Variants in ST6GALNAC4 observed in about 807,000 individuals in gnomAD.
ST6GALNAC4 encodes the protein ST6 N-acetylgalactosaminide alpha-2,6-sialyltransferase 4, also known as alpha-N-acetyl-neuraminyl-2,3-beta-galactosyl-1,3-N-acetyl-galactosaminide alpha-2,6-sialyltransferase.
In ST6GALNAC4, 24 loss-of-function variants were observed where a neutral mutation model predicts 30.4. The ratio of observed to expected loss-of-function variants is 0.79; its 90% CI spans 0.57 to 1.11. ST6GALNAC4 has a LOEUF of 1.11. ST6GALNAC4 is among the 50% of genes most tolerant of loss of function. ST6GALNAC4 has a pLI of 0.00. For synonymous variants in ST6GALNAC4, 156 were observed against 179.7 expected, an observed-to-expected ratio of 0.87 and a Z score of 1.05; for missense variants, 365 against 430.1, an observed-to-expected ratio of 0.85 and a Z score of 1.34.
At chr9:127,914,534 G>T in intron 3 of ST6GALNAC4, 122 bp downstream of exon 3, 1 of 292,668 alleles carries the variant, frequency 3.4e-6, no homozygotes, top group East Asian at 6.7e-5. Flanking sequence ...CTAGGGCTCA[G>T]AGAGGTGATG....
rs548653831 is a variant in ST6GALNAC4, at chr9:127,914,567, T to C, written c.198+89A>G. On this transcript the variant is annotated intron_variant, in intron 3 of 5. Coordinates refer to ENST00000335791, the MANE Select transcript of ST6GALNAC4 (RefSeq NM_175039.4). The stretch of plus-strand genomic sequence containing the variant: ...ATGTGATTGGCCAGGATCACATGGC[T>C]GGTGAGTAGAGGGGCCAAGCTCAAG... 2.9e-5 allele frequency: 30 copies of C among 1,027,662 alleles called. 1 individual carries two copies. Among genetic ancestry groups the C allele is most frequent in the Non-Finnish European group, 3.5e-5 (27 of 781,444 alleles). The allele number at this position is 1,027,662 out of a possible 1,614,324, so 63.7% of individuals were successfully genotyped here.
rs531808940 is a variant in ST6GALNAC4 at position 127,911,669 on chromosome 9, T to C, written c.611+599A>G. On this transcript the variant is annotated intron_variant, in intron 4 of 5. Transcript: ENST00000335791. ...ACCCGGCTAATTTTTGTATTTTTAG[T>C]ACAGATGGGGTTTCACCATGTTGGC... 2.6e-5 allele frequency among the ~76,000 whole-genome samples: 4 copies of C among 152,240 alleles called. No homozygotes were observed. In the South Asian group the frequency reaches 6.2e-4, roughly 24 times the overall value.
At chr9:127,913,353 G>A (rs1376878647) in intron 3 of ST6GALNAC4, among the ~76,000 whole-genome samples, 1 of 152,244 alleles carries the variant, frequency 6.6e-6, no homozygotes, top group East Asian at 1.9e-4. Flanking sequence ...GGGAGGCCAA[G>A]GTGGGTGAAT....
intron 4 of ST6GALNAC4, 83 bp downstream of exon 4, chr9:127,912,185 G>A (rs1831086699): frequency 3.3e-6 from 5 of 1,508,558 alleles, no homozygotes; most frequent in Admixed American, 4.0e-5. Context: ...GCCTGACAGA[G>A]CAGCCCCTGA....
In ST6GALNAC4 at chr9:127,908,563, T is replaced by C. The variant is rs878873200; in HGVS notation, c.738A>G (p.Ser246=). 1 of 1,583,762 alleles carries C rather than the reference T, an allele frequency of 6.3e-7. No individual in the cohort carries two copies. Among genetic ancestry groups the C allele is most frequent in the Non-Finnish European group, 8.6e-7 (1 of 1,157,480 alleles). The change falls in exon 6 of 6, where the codon TCA becomes TCG. Residue 246 remains serine, a synonymous_variant. Transcript: ENST00000335791. ...CCTTCTCAAAGTAGTGGTAAGGCACTGAGGGGTGGCTCTTCTCCCTGCGGG... is the reference window on the plus strand; with the variant it reads ...CCTTCTCAAAGTAGTGGTAAGGCACCGAGGGGTGGCTCTTCTCCCTGCGGG... ...DSYCREKSHP[S]VPYHYFEKGR...
intron 3 of ST6GALNAC4, among the ~76,000 whole-genome samples, 170 bp from the exon 4 acceptor site, chr9:127,912,850 C>T (rs965885142): frequency 6.6e-6 from 1 of 152,208 alleles, no homozygotes; most frequent in Admixed American, 6.5e-5. Context: ...CCCGAGATCA[C>T]AGTGATACCC....
At chr9:127,914,916 C>T in intron 2 of ST6GALNAC4, 75 bp from the exon 3 acceptor site, 2 of 1,337,728 alleles carry the variant, frequency 1.5e-6, no homozygotes, top group Admixed American at 3.3e-5. Context: ...CTGCACCTGG[C>T]CTCCTGGGTC....
intron 5 of ST6GALNAC4, among the ~76,000 whole-genome samples, chr9:127,909,054 G>A (rs916600972): frequency 1.3e-5 from 2 of 152,032 alleles, no homozygotes; most frequent in African/African-American, 4.8e-5. Flanking sequence ...CTGTCACCTC[G>A]GTGACCTGTT....
chr9:127,916,563 T>A, intron 1 of ST6GALNAC4, 69 bp from the exon 2 acceptor site: 1 of 950,380 alleles, frequency 1.1e-6, no homozygotes, highest in Non-Finnish European at 1.7e-6. Flanking sequence ...TAGGGAAAAC[T>A]GAGGCAGGAG....
chr9:127,912,589 G>A lies in ST6GALNAC4; in HGVS notation c.290C>T (p.Ala97Val). ...GSGLGAEIDSAECVFRMNQAP... is the reference protein window; with the variant it reads ...GSGLGAEIDSVECVFRMNQAP... The stretch of plus-strand genomic sequence containing the variant: ...CTGGTTCATGCGGAACACGCACTCG[G>A]CACTGTCGATCTCAGCACCCAGGCC... Residue 97 changes from alanine (A) to valine (V), a missense_variant, in exon 4 of 6, where the codon GCC becomes GTC. Coordinates refer to ENST00000335791, the MANE Select transcript of ST6GALNAC4 (RefSeq NM_175039.4). The A allele has an allele frequency of 6.2e-7, 1 of 1,610,692 alleles. No individual in the cohort carries two copies. The highest frequency in any genetic ancestry group is 8.5e-7 in the Non-Finnish European group (1 of 1,179,838).
chr9:127,908,141 C>G lies in ST6GALNAC4; in HGVS notation c.*251G>C, dbSNP rs552196541. 20 of 263,130 alleles carry G rather than the reference C, an allele frequency of 7.6e-5. No individual in the cohort carries two copies. The East Asian group carries it at 1.3e-3, about 17-fold the overall frequency. The allele number at this position is 263,130 out of a possible 1,614,324, so 16.3% of individuals were successfully genotyped here. ...TTGACAGACCTGGAGGTGGGGTGAG[C>G]CCCCAAATGCCGTGAATTACTCAGG... On this transcript the variant is annotated 3_prime_UTR_variant, in exon 6 of 6. Coordinates refer to ENST00000335791, the MANE Select transcript of ST6GALNAC4 (RefSeq NM_175039.4).
chr9:127,916,375 C>A (rs770412353), intron 2 of ST6GALNAC4, 33 bp downstream of exon 2: 2 of 1,613,926 alleles, frequency 1.2e-6, no homozygotes, highest in African/African-American at 1.3e-5. Flanking sequence ...GGGGCCTCTG[C>A]GTTCCCTGGA....
At chr9:127,916,163 T>G (rs1831190353) in intron 2 of ST6GALNAC4, 6 of 585,004 alleles carry the variant, frequency 1.0e-5, no homozygotes, top group East Asian at 2.8e-5. Flanking sequence ...CTTTGCCTGG[T>G]GAGCTCGTAG....
rs2131621666 is a variant in ST6GALNAC4, at chr9:127,912,482, G to T, written c.397C>A (p.Leu133Met). The change falls in exon 4 of 6, where the codon CTG (leucine) becomes ATG (methionine). Residue 133 changes from leucine (L) to methionine (M), a missense_variant. By Grantham distance (15) the Leu-to-Met change is conservative. Transcript: ENST00000335791. Reference protein sequence around the residue: ...VVSHTSVPLLLRNYSHYFQKA... With the variant: ...VVSHTSVPLLMRNYSHYFQKA... ...TGGAAGTAGTGTGAATAGTTGCGCA[G>T]CAGCAGCGGCACGCTTGTGTGTGAG... 1 of 1,613,906 alleles carries T rather than the reference G, an allele frequency of 6.2e-7. No individual in the cohort carries two copies. The highest frequency in any genetic ancestry group is 8.5e-7 in the Non-Finnish European group (1 of 1,179,870).
intron 3 of ST6GALNAC4, 21 bp downstream of exon 3, chr9:127,914,635 T>C: frequency 1.3e-6 from 2 of 1,586,660 alleles, no homozygotes; most frequent in Non-Finnish European, 1.7e-6. Flanking sequence ...CCACCCCGGA[T>C]GCATTGCCTG....
intron 5 of ST6GALNAC4, 134 bp downstream of exon 5, chr9:127,909,817 T>G: frequency 1.2e-6 from 1 of 826,948 alleles, no homozygotes; most frequent in Non-Finnish European, 1.9e-6. Context: ...GCGCAAGGGG[T>G]ATCTGTGCTA....
Position 127,914,490 on chromosome 9 carries a change from C to CAAAAAAAAAAAAAAAAAAAAAAAAAAAAA in ST6GALNAC4, c.198+137_198+165dup, listed in dbSNP as rs60857050. 1.0e-4 allele frequency among the ~76,000 whole-genome samples: 5 copies of CAAAAAAAAAAAAAAAAAAAAAAAAAAAAA among 50,120 alleles called. 2 individuals carry two copies. The highest frequency in any genetic ancestry group is 3.7e-4 in the African/African-American group (4 of 10,914). 32.9% of individuals were successfully genotyped at this position (50,120 alleles called of 152,430 possible). ...TGGGAGAAACAGAAAGACTCCGTCT[C>CAAAAAAAAAAAAAAAAAAAAAAAAAAAAA]AAAAAAAAAAAAAAAAAAAAAAAAA... On this transcript the variant is annotated intron_variant, in intron 3 of 5. Transcript: ENST00000335791.
intron 3 of ST6GALNAC4, 90 bp downstream of exon 3, chr9:127,914,566 C>T: frequency 4.2e-6 from 4 of 942,706 alleles, no homozygotes; most frequent in Non-Finnish European, 5.5e-6. Context: ...GATCACATGG[C>T]TGGTGAGTAG....
chr9:127,914,924 G>A (rs1056728473), intron 2 of ST6GALNAC4, 83 bp from the exon 3 acceptor site: 1 of 1,278,314 alleles, frequency 7.8e-7, no homozygotes. Context: ...GGCCTCCTGG[G>A]TCTAGAGAAG....
Sources: gnomAD v4.1 joint callset for allele counts (sites outside exome capture counted in the v4.1 genomes callset) on GRCh38, gnomAD v4.1.1 for gene constraint, MANE v1.5 for transcripts, NCBI Gene and HGNC (gene_info 2026-07-23, HGNC 2026-07-21) for gene names.